Variants in WNK1 observed in about 807,000 individuals in gnomAD.
WNK1 encodes the protein serine/threonine-protein kinase WNK1.
WNK1 carries 38 observed loss-of-function variants against 222.8 expected under a neutral mutation model. The ratio of observed to expected loss-of-function variants is 0.17; its 90% CI spans 0.13 to 0.22. WNK1 has a LOEUF of 0.22. Among genes scored for constraint, WNK1 ranks in the 10% least tolerant of loss-of-function variants. The probability of loss-of-function intolerance (pLI) is 1.00; values close to 1 mark genes in which losing one functional copy is unlikely to be tolerated. For synonymous variants in WNK1, 1,090 were observed against 1,092.9 expected, an observed-to-expected ratio of 1.00 and a Z score of 0.05; for missense variants, 2,348 against 2,918.4, an observed-to-expected ratio of 0.80 and a Z score of 4.50.
intron 4 of WNK1, among the ~76,000 whole-genome samples, chr12:849,124 C>T (rs1030605524): frequency 6.6e-6 from 1 of 152,210 alleles, no homozygotes. Flanking sequence ...TGAGCAATAC[C>T]TGACATCCTA....
At position 884,121 on chromosome 12, in the gene WNK1, G is replaced by A. The variant is rs1254282363; in HGVS notation, c.3722G>A (p.Gly1241Asp). Residue 1241 changes from glycine to aspartate, a missense_variant and splice_region_variant, in exon 18 of 28, where the codon GGC (glycine) becomes GAC (aspartate). By Grantham distance (94) the Gly-to-Asp change is moderately conservative. Transcript: ENST00000315939. The surrounding 1 kb of genome is among the most constrained non-coding windows in gnomAD (Gnocchi z 5.6). Reference sequence around the variant, plus strand: ...CGTTTGTTTGTTTGTTTTTGACCAGGCATTCCTACCAGTTCTTTAACTCAA... The same window carrying A: ...CGTTTGTTTGTTTGTTTTTGACCAGACATTCCTACCAGTTCTTTAACTCAA... ...IPASSMPQQI[G>D]IPTSSLTQVV... The A allele has an allele frequency of 6.2e-7, 1 of 1,614,098 alleles. No individual in the cohort carries two copies. The highest frequency in any genetic ancestry group is 1.1e-5 in the South Asian group (1 of 91,070).
In WNK1 at chr12:887,690, G is replaced by A. The variant is rs77146062; in HGVS notation, c.5364+386G>A. On this transcript the variant is annotated intron_variant, in intron 20 of 27. Transcript: ENST00000315939. ...CCCTAGAAAGGAGAAGCACAATATGGCAACTGAGAAACTTTTTCCGCGAGT... is the reference window on the plus strand; with the variant it reads ...CCCTAGAAAGGAGAAGCACAATATGACAACTGAGAAACTTTTTCCGCGAGT... 5.2e-3 allele frequency among the ~76,000 whole-genome samples: 786 copies of A among 152,214 alleles called. 10 individuals are homozygous for A. The highest frequency in any genetic ancestry group is 0.018 in the African/African-American group (757 of 41,522).
intron 9 of WNK1, 137 bp downstream of exon 9, chr12:871,485 T>A: frequency 2.5e-6 from 2 of 795,716 alleles, no homozygotes; most frequent in Admixed American, 2.5e-5. Flanking sequence ...TTGTGTTCAG[T>A]AACAAAGAAA....
intron 8 of WNK1, chr12:869,148 G>A (rs756670782): frequency 1.3e-5 from 21 of 1,603,922 alleles, no homozygotes; most frequent in Non-Finnish European, 1.8e-5. Context: ...ACCCTACTTT[G>A]CACCATAACA....
chr12:852,228 G>C (rs181720774), intron 4 of WNK1, among the ~76,000 whole-genome samples: 1 of 152,024 alleles, frequency 6.6e-6, no homozygotes, highest in East Asian at 1.9e-4. Context: ...TTTTTGTGGG[G>C]TTTTTTTAGT....
Position 884,677 on chromosome 12 carries a change from A to G in WNK1, c.3873A>G (p.Gly1291=). 6.2e-7 allele frequency: 1 copy of G among 1,614,140 alleles called. No homozygotes were observed. Among genetic ancestry groups the G allele is most frequent in the Non-Finnish European group, 8.5e-7 (1 of 1,180,016 alleles). ...TVAASTAQSP[G]MNLSHSASSL... is the part of the protein sequence containing the mutation. ...CTGCCTCTACAGCTCAGAGCCCTGG[A>G]ATGAACTTGTCTCACTCTGCATCAT... The change falls in exon 19 of 28, where the codon GGA becomes GGG. Residue 1291 remains glycine (G), a synonymous_variant. Coordinates refer to ENST00000315939, the MANE Select transcript of WNK1 (RefSeq NM_018979.4). This position sits in a 1 kb window ranked among gnomAD's most constrained non-coding sequence, Gnocchi z 5.6.
intron 4 of WNK1, among the ~76,000 whole-genome samples, chr12:833,035 A>G (rs1158991736): frequency 6.7e-6 from 1 of 148,732 alleles, no homozygotes. Context: ...TCCTTTGAGC[A>G]TAGGGTCGAC....
Position 900,495 on chromosome 12 carries a change from T to C in WNK1, c.6468T>C (p.Ser2156=), listed in dbSNP as rs769257413. Residue 2156 remains serine (S), a synonymous_variant, in exon 26 of 28, where the codon AGT becomes AGC. Coordinates refer to ENST00000315939, the MANE Select transcript of WNK1 (RefSeq NM_018979.4). The part of the protein sequence containing the change: ...PQLSGNLSGQ[S]AASVLHPQQT... ...TGGCAGGTAACCTGTCTGGTCAGAGTGCAGCTTCAGTCTTGCACCCCCAGC... is the reference window on the plus strand; with the variant it reads ...TGGCAGGTAACCTGTCTGGTCAGAGCGCAGCTTCAGTCTTGCACCCCCAGC... 1.2e-5 allele frequency: 20 copies of C among 1,614,100 alleles called. No individual in the cohort carries two copies. The South Asian group carries it at 2.1e-4, about 17-fold the overall frequency.
At chr12:887,791 T>C (rs995731424) in intron 20 of WNK1, among the ~76,000 whole-genome samples, 4 of 152,180 alleles carry the variant, frequency 2.6e-5, no homozygotes, top group African/African-American at 7.2e-5. Flanking sequence ...AGCTTACTTA[T>C]AGGTAGGTAT....
At chr12:843,579 G>C (rs796726705) in intron 4 of WNK1, among the ~76,000 whole-genome samples, 6 of 152,284 alleles carry the variant, frequency 3.9e-5, no homozygotes, top group African/African-American at 1.4e-4. Flanking sequence ...ACAATATGCT[G>C]TTTGGGTTGA....
chr12:911,365 T>C lies in WNK1; in HGVS notation c.*2573T>C. On this transcript the variant is annotated 3_prime_UTR_variant, in exon 28 of 28. Transcript: ENST00000315939. ...CACTAACTCTGGGTGTTGCGCTTCTTGTAAGATTGCGCTTTGTGCTTCAGT... is the reference window on the plus strand; with the variant it reads ...CACTAACTCTGGGTGTTGCGCTTCTCGTAAGATTGCGCTTTGTGCTTCAGT... The C allele has an allele frequency of 2.5e-6, 1 of 398,674 alleles. No homozygotes were observed. The highest frequency in any genetic ancestry group is 4.4e-6 in the Non-Finnish European group (1 of 226,066). 24.7% of individuals were successfully genotyped at this position (398,674 alleles called of 1,614,324 possible).
rs1046290052 is a variant in WNK1, at chr12:909,272, CTTTT to C, written c.*483_*486del. The C allele has an allele frequency of 6.0e-6, 1 of 167,580 alleles. No homozygotes were observed. The allele number at this position is 167,580 out of a possible 1,614,324, so 10.4% of individuals were successfully genotyped here. A position where few individuals can be genotyped will look rare whatever the true frequency, so the allele number is the denominator to read the frequency against. ...CCTCCTCCCTTTTTTTTACCCCTCT[CTTTT>C]TTATTTTTTCTTTGCTCTTTAGAAC... On this transcript the variant is annotated 3_prime_UTR_variant, in exon 28 of 28. Coordinates refer to ENST00000315939, the MANE Select transcript of WNK1 (RefSeq NM_018979.4).
At chr12:896,801 T>G (rs889372666) in intron 24 of WNK1, 69 bp downstream of exon 24, 210 of 1,546,610 alleles carry the variant, frequency 1.4e-4, no homozygotes, top group Admixed American at 3.8e-4. Flanking sequence ...GGGCCAAGAT[T>G]AATAATATTT....
At chr12:823,125 A>G (rs569967858) in intron 2 of WNK1, among the ~76,000 whole-genome samples, 13 of 152,108 alleles carry the variant, frequency 8.5e-5, no homozygotes, top group African/African-American at 2.7e-4. Flanking sequence ...TCTGCCCTCT[A>G]TGGTTTTTGC....
chr12:867,656 A>G, intron 8 of WNK1: 1 of 581,418 alleles, frequency 1.7e-6, no homozygotes, highest in Non-Finnish European at 3.0e-6. Flanking sequence ...TATCTAAAGC[A>G]AAGAGCCCAC....
chr12:873,098 T>C (rs1417190733), intron 9 of WNK1, among the ~76,000 whole-genome samples: 1 of 152,248 alleles, frequency 6.6e-6, no homozygotes, highest in East Asian at 1.9e-4. Flanking sequence ...ATAAAGCTGG[T>C]TGAGAATGGA....
rs1950704190 is a variant in WNK1, at chr12:855,343, C to T, written c.1312-1818C>T. Reference sequence around the variant, plus strand: ...TTAGGGTCAGCCCTGCTACACAGTTCCTTGCTGTGAAAAGTTAGCCCTGCG... The same window carrying T: ...TTAGGGTCAGCCCTGCTACACAGTTTCTTGCTGTGAAAAGTTAGCCCTGCG... On this transcript the variant is annotated intron_variant, in intron 4 of 27. Transcript: ENST00000315939. Among the ~76,000 whole-genome samples the T allele has an allele frequency of 1.3e-5, 2 of 152,112 alleles. 1 individual carries two copies. Among genetic ancestry groups the T allele is most frequent in the South Asian group, 4.1e-4 (2 of 4,822 alleles).
chr12:841,915 G>A (rs10849568), intron 4 of WNK1, among the ~76,000 whole-genome samples: 96,076 of 151,944 alleles, frequency 0.63, 31,227 homozygotes, highest in East Asian at 0.88. Context: ...TCTTAATACT[G>A]TCTCATTGGA....
intron 26 of WNK1, among the ~76,000 whole-genome samples, chr12:902,392 A>G (rs1003108577): frequency 1.4e-4 from 21 of 152,226 alleles, no homozygotes; most frequent in South Asian, 6.2e-4. Context: ...ATTTTTTTCC[A>G]TTCTTTGTCA....
Sources: gnomAD v4.1 joint callset for allele counts (sites outside exome capture counted in the v4.1 genomes callset) on GRCh38, gnomAD v4.1.1 for gene constraint, Gnocchi (gnomAD v3.1) non-coding constraint, MANE v1.5 for transcripts, NCBI Gene and HGNC (gene_info 2026-07-23, HGNC 2026-07-21) for gene names.